The following C12orf42 variants were observed in gnomAD, a reference collection of about 807,000 sequenced individuals.
The protein encoded by C12orf42 is uncharacterized protein C12orf42.
In C12orf42, 25 loss-of-function variants were observed where a neutral mutation model predicts 21.6. The ratio of observed to expected loss-of-function variants is 1.16; its 90% CI spans 0.84 to 1.62. The LOEUF (loss-of-function observed/expected upper bound fraction) is 1.62. Ranked by LOEUF, C12orf42 falls within the 40% of genes most tolerant of loss-of-function variation. C12orf42 has a pLI of 0.00. For synonymous variants in C12orf42, 174 were observed against 175.0 expected (o/e 0.99, Z 0.05); for missense variants, 483 against 459.3 (o/e 1.05, Z -0.47).
chr12:103,452,316 A>T (rs1951999976), intron 2 of C12orf42, among the ~76,000 whole-genome samples: 1 of 152,086 alleles, frequency 6.6e-6, no homozygotes, highest in South Asian at 2.1e-4. Context: ...CCACTAGCAC[A>T]CCATCACTTC....
At chr12:103,195,613 T>C in the C12orf42 span, among the ~76,000 whole-genome samples, 30 of 152,276 alleles carry the variant, frequency 2.0e-4, no homozygotes, top group Non-Finnish European at 3.8e-4. Flanking sequence ...TGTCTGTTCA[T>C]GTCATTTGCC....
At chr12:103,217,673 A>G in the C12orf42 span, among the ~76,000 whole-genome samples, 2 of 152,164 alleles carry the variant, frequency 1.3e-5, 1 homozygote. Flanking sequence ...AACCTTCATG[A>G]GAGGCTTGCC....
At chr12:103,448,108 GA>G (rs1463268289) in intron 2 of C12orf42, among the ~76,000 whole-genome samples, 2 of 151,932 alleles carry the variant, frequency 1.3e-5, no homozygotes, top group Non-Finnish European at 2.9e-5. Flanking sequence ...CAGACCAATG[GA>G]ACAGAATAGA....
chr12:103,231,021 C>T, the C12orf42 span, among the ~76,000 whole-genome samples: 1 of 151,968 alleles, frequency 6.6e-6, no homozygotes, highest in East Asian at 1.9e-4. Context: ...AGTATATTTT[C>T]TTCTATACCT....
chr12:103,413,516 G>C (rs1224748188), intron 2 of C12orf42, among the ~76,000 whole-genome samples: 1 of 151,860 alleles, frequency 6.6e-6, no homozygotes, highest in East Asian at 1.9e-4. Flanking sequence ...TGGGGGAACA[G>C]GTGGTGTTTG....
intron 2 of C12orf42, among the ~76,000 whole-genome samples, chr12:103,405,105 G>A (rs779996942): frequency 6.6e-6 from 1 of 152,090 alleles, no homozygotes; most frequent in African/African-American, 2.4e-5. Flanking sequence ...TGGCATTAGA[G>A]GTCAGTCATT....
chr12:103,262,709 T>C (rs534831657), intron 10 of C12orf42, among the ~76,000 whole-genome samples: 7 of 152,032 alleles, frequency 4.6e-5, no homozygotes, highest in Admixed American at 6.6e-5. Context: ...TTGGTGGGAG[T>C]GTAAATTAGT....
At chr12:103,154,037 A>C in the C12orf42 span, among the ~76,000 whole-genome samples, 2 of 150,974 alleles carry the variant, frequency 1.3e-5, no homozygotes, top group African/African-American at 2.4e-5. Context: ...AAAAAAAAAA[A>C]AAAAAAAAAA....
the C12orf42 span, among the ~76,000 whole-genome samples, chr12:103,165,529 G>A: frequency 1.1e-4 from 16 of 152,292 alleles, no homozygotes; most frequent in African/African-American, 3.9e-4. Context: ...AGAAACAGTG[G>A]CAGGTAGAGA....
the C12orf42 span, chr12:103,503,515 C>T: frequency 8.1e-4 from 123 of 152,470 alleles, 1 homozygote; most frequent in East Asian, 0.019. Context: ...ACCCTGGTCA[C>T]GCTGTGCATC....
At chr12:103,322,619 C>T (rs2040292865) in intron 4 of C12orf42, among the ~76,000 whole-genome samples, 2 of 151,972 alleles carry the variant, frequency 1.3e-5, no homozygotes, top group Admixed American at 1.3e-4. Context: ...TTTTGGCCAG[C>T]GTACTTCAGA....
chr12:103,238,217 C>T (rs963117149), intron 10 of C12orf42, among the ~76,000 whole-genome samples: 3 of 151,980 alleles, frequency 2.0e-5, no homozygotes, highest in Admixed American at 6.6e-5. Context: ...TATTGGAACA[C>T]GGCTACATCC....
the C12orf42 span, among the ~76,000 whole-genome samples, chr12:103,082,998 G>A: frequency 6.6e-6 from 1 of 152,152 alleles, no homozygotes; most frequent in African/African-American, 2.4e-5. Flanking sequence ...CAAGTTTCAG[G>A]AGGCATGCCA....
chr12:103,114,922 A>G, the C12orf42 span, among the ~76,000 whole-genome samples: 1 of 152,228 alleles, frequency 6.6e-6, no homozygotes, highest in South Asian at 2.1e-4. Context: ...CTTGCAAGCC[A>G]TGCAAAAAAG....
downstream of C12orf42, among the ~76,000 whole-genome samples, chr12:103,298,660 G>C (rs1210407141): frequency 6.6e-6 from 1 of 152,116 alleles, no homozygotes; most frequent in East Asian, 1.9e-4. Context: ...GAGTGACGCT[G>C]AGTTCAGGTC....
chr12:103,354,281 C>T (rs764100620), intron 4 of C12orf42, among the ~76,000 whole-genome samples: 13 of 152,086 alleles, frequency 8.5e-5, no homozygotes, highest in Non-Finnish European at 1.3e-4. Context: ...AAGCACATGC[C>T]TTTCAGTTCT....
chr12:103,306,771 C>G (rs939991955), intron 4 of C12orf42, among the ~76,000 whole-genome samples: 1 of 152,118 alleles, frequency 6.6e-6, no homozygotes, highest in African/African-American at 2.4e-5. Flanking sequence ...GTGCATGTGA[C>G]CTTATTTGGA....
intron 4 of C12orf42, among the ~76,000 whole-genome samples, chr12:103,351,985 C>T (rs2043139917): frequency 6.6e-6 from 1 of 151,904 alleles, no homozygotes; most frequent in African/African-American, 2.4e-5. Flanking sequence ...CTTCCATATA[C>T]ACAGAAACTG....
the C12orf42 span, among the ~76,000 whole-genome samples, chr12:103,153,042 A>C: frequency 7.9e-5 from 12 of 152,154 alleles, no homozygotes; most frequent in Non-Finnish European, 1.3e-4. Flanking sequence ...AAGAGCAAAA[A>C]AAGGTATTGT....
Sources: allele counts gnomAD v4.1 joint callset (sites outside exome capture counted in the v4.1 genomes callset), GRCh38; gene constraint gnomAD v4.1.1; transcripts MANE v1.5; gene names NCBI Gene and HGNC (gene_info 2026-07-23, HGNC 2026-07-21).